VAPA: variants seen among roughly 807,000 people sequenced by gnomAD.
VAPA encodes the protein VAMP associated protein A.
In VAPA, 6 loss-of-function variants were observed where a neutral mutation model predicts 25.6. The observed-to-expected ratio is 0.23, with a 90% CI of 0.13 to 0.46. The LOEUF is 0.46. Among genes scored for constraint, VAPA ranks in the 20% least tolerant of loss-of-function variants. VAPA has a pLI of 0.99. For synonymous variants in VAPA, 112 were observed against 106.2 expected (o/e 1.05, Z -0.34); for missense variants, 244 against 302.1 (o/e 0.81, Z 1.43).
intron 2 of VAPA, among the ~76,000 whole-genome samples, chr18:9,932,533 G>A (rs760754353): frequency 2.6e-5 from 4 of 152,208 alleles, no homozygotes; most frequent in Non-Finnish European, 5.9e-5. Context: ...CTGCTGTGGA[G>A]TTGATACTGG....
intron 4 of VAPA, among the ~76,000 whole-genome samples, chr18:9,945,231 C>G (rs1405213906): frequency 6.6e-6 from 1 of 151,734 alleles, no homozygotes; most frequent in Admixed American, 6.6e-5. Context: ...TGCATACAAA[C>G]TATTCTGTTC....
rs1471521506 is a variant in VAPA at position 9,958,071 on chromosome 18, T to TA, written c.*3866dup. The stretch of plus-strand genomic sequence containing the variant: ...CACTTCAGGCAATTTTTGGAAAATA[T>TA]AAAAAATTCCAAATTCTGCCTTTCA... On this transcript the variant is annotated 3_prime_UTR_variant, in exon 6 of 6. Transcript: ENST00000400000. The TA allele has an allele frequency of 6.6e-6, 1 of 152,236 alleles. No individual in the cohort carries two copies. The highest frequency in any genetic ancestry group is 2.4e-5 in the African/African-American group (1 of 41,452). The allele number at this position is 152,236 out of a possible 1,614,324, so 9.4% of individuals were successfully genotyped here.
At chr18:9,937,126 T>A (rs1265811246) in intron 4 of VAPA, 60 bp downstream of exon 4, 4 of 1,442,150 alleles carry the variant, frequency 2.8e-6, no homozygotes, top group Non-Finnish European at 2.9e-6. Flanking sequence ...CTTTGATTAA[T>A]TTTGCTTTTA....
intron 5 of VAPA, chr18:9,951,031 C>T (rs1034664817): frequency 6.6e-6 from 1 of 152,442 alleles, no homozygotes; most frequent in African/African-American, 2.4e-5. Context: ...TGGTTACATA[C>T]TGAAATAGTA....
intron 1 of VAPA, among the ~76,000 whole-genome samples, chr18:9,920,867 C>G (rs1053217097): frequency 3.3e-5 from 5 of 152,186 alleles, no homozygotes; most frequent in Admixed American, 3.3e-4. Flanking sequence ...GAATATTGTC[C>G]TCCCTCACGT....
intron 4 of VAPA, chr18:9,950,177 A>G: frequency 4.2e-6 from 2 of 474,108 alleles, no homozygotes; most frequent in Non-Finnish European, 7.5e-6. Flanking sequence ...AATTATTAAG[A>G]TACATAATAA....
At chr18:9,946,806 T>G (rs1051655770) in intron 4 of VAPA, among the ~76,000 whole-genome samples, 2 of 152,206 alleles carry the variant, frequency 1.3e-5, no homozygotes, top group East Asian at 3.8e-4. Flanking sequence ...AAAATTTTTT[T>G]CTTTAATCTT....
chr18:9,955,207 A>G lies in VAPA; in HGVS notation c.*996A>G, dbSNP rs924323916. On this transcript the variant is annotated 3_prime_UTR_variant, in exon 6 of 6. Coordinates refer to ENST00000400000, the MANE Select transcript of VAPA (RefSeq NM_194434.3). ...TTACTTTTTAACCAGCCTAATAAAT[A>G]AGTCTTACTACTTTTCATAATATTT... The G allele has an allele frequency of 2.0e-5, 3 of 152,014 alleles. No individual in the cohort carries two copies. Among genetic ancestry groups the G allele is most frequent in the African/African-American group, 7.3e-5 (3 of 41,298 alleles). 9.4% of individuals were successfully genotyped at this position (152,014 alleles called of 1,614,324 possible).
rs2069585302 is a variant in VAPA at position 9,959,682 on chromosome 18, T to A, written c.*5471T>A. The A allele has an allele frequency of 7.1e-6, 1 of 139,970 alleles. No homozygotes were observed. 8.7% of individuals were successfully genotyped at this position (139,970 alleles called of 1,614,324 possible). ...AACCCTGAGGAAAAATAATACAATGTGTGTGTGTGAGAGAGAGAGTGAGTT... is the reference window on the plus strand; with the variant it reads ...AACCCTGAGGAAAAATAATACAATGAGTGTGTGTGAGAGAGAGAGTGAGTT... On this transcript the variant is annotated 3_prime_UTR_variant, in exon 6 of 6. Transcript: ENST00000400000.
At chr18:9,914,913 C>G (rs13381442) in intron 1 of VAPA, 58,430 of 152,402 alleles carry the variant, frequency 0.38, 11,696 homozygotes, top group Middle Eastern at 0.49. Flanking sequence ...GGAGAGCTCG[C>G]TGCAGCCGGC....
chr18:9,936,573 A>C (rs2069312703), intron 3 of VAPA: 1 of 199,880 alleles, frequency 5.0e-6, no homozygotes, highest in African/African-American at 2.3e-5. Flanking sequence ...CAAACAAAAA[A>C]CAAAAAAAAC....
intron 4 of VAPA, among the ~76,000 whole-genome samples, chr18:9,947,082 C>T (rs1424888186): frequency 1.3e-5 from 2 of 152,224 alleles, no homozygotes; most frequent in African/African-American, 4.8e-5. Context: ...GGGACAGTAA[C>T]ACTCATGGAG....
chr18:9,931,389 A>G (rs562962137), intron 1 of VAPA, among the ~76,000 whole-genome samples: 5 of 152,220 alleles, frequency 3.3e-5, no homozygotes, highest in Non-Finnish European at 7.4e-5. Flanking sequence ...CACTGATGTC[A>G]TAGGGTGTAG....
chr18:9,943,841 C>CTTTTTTTTTTTTTTTT lies in VAPA; in HGVS notation c.418-6532_418-6517dup, dbSNP rs71169911. On this transcript the variant is annotated intron_variant, in intron 4 of 5. Coordinates refer to ENST00000400000, the MANE Select transcript of VAPA (RefSeq NM_194434.3). The stretch of plus-strand genomic sequence containing the variant: ...TGACATTTGAAGGTGACATATTTCC[C>CTTTTTTTTTTTTTTTT]TTTTTTTTTTTTTTTTTTTTTTTTT... Among the ~76,000 whole-genome samples the CTTTTTTTTTTTTTTTT allele has an allele frequency of 2.1e-4, 11 of 51,770 alleles. 4 individuals carry two copies. Among genetic ancestry groups the CTTTTTTTTTTTTTTTT allele is most frequent in the East Asian group, 1.4e-3 (2 of 1,436 alleles). The allele number at this position is 51,770 out of a possible 152,430, so 34.0% of individuals were successfully genotyped here. A position where few individuals can be genotyped will look rare whatever the true frequency, so the allele number is the denominator to read the frequency against.
At chr18:9,924,166 A>C (rs545770288) in intron 1 of VAPA, 2 of 152,246 alleles carry the variant, frequency 1.3e-5, no homozygotes, top group Admixed American at 6.5e-5. Context: ...TCCCCTAGCA[A>C]AAACTTTAGA....
chr18:9,958,782 T>C lies in VAPA; in HGVS notation c.*4571T>C, dbSNP rs2069577200. The C allele has an allele frequency of 6.6e-6, 1 of 152,228 alleles. No homozygotes were observed. Among genetic ancestry groups the C allele is most frequent in the Non-Finnish European group, 1.5e-5 (1 of 68,042 alleles). 9.4% of individuals were successfully genotyped at this position (152,228 alleles called of 1,614,324 possible). On this transcript the variant is annotated 3_prime_UTR_variant, in exon 6 of 6. Transcript: ENST00000400000. ...TGCTTAAAAAAAATTGCATAAAAGCTTTGCTTGTCAAGTTAGGATTGCTGG... is the reference window on the plus strand; with the variant it reads ...TGCTTAAAAAAAATTGCATAAAAGCCTTGCTTGTCAAGTTAGGATTGCTGG...
At chr18:9,932,099 T>C in intron 2 of VAPA, 137 bp downstream of exon 2, 1 of 628,774 alleles carries the variant, frequency 1.6e-6, no homozygotes, top group South Asian at 2.4e-5. Context: ...AGATGTCTTG[T>C]TACAGTACTC....
chr18:9,937,082 T>A lies in VAPA; in HGVS notation c.417+16T>A. On this transcript the variant is annotated intron_variant, in intron 4 of 5. Coordinates refer to ENST00000400000, the MANE Select transcript of VAPA (RefSeq NM_194434.3). ...TGATAAATTGGTAAGTAGGAGAATGTAAAAAAAATTGGGAGCTGTTGAGCT... is the reference window on the plus strand; with the variant it reads ...TGATAAATTGGTAAGTAGGAGAATGAAAAAAAAATTGGGAGCTGTTGAGCT... 6.2e-7 allele frequency: 1 copy of A among 1,606,138 alleles called. No individual in the cohort carries two copies. Among genetic ancestry groups the A allele is most frequent in the Non-Finnish European group, 8.5e-7 (1 of 1,174,574 alleles).
Position 9,933,046 on chromosome 18 carries a change from G to A in VAPA, c.232+1084G>A, listed in dbSNP as rs944337379. The stretch of plus-strand genomic sequence containing the variant: ...TGCTTAAAACCAGGAAGTGGAGGTT[G>A]CAGTGAGCGGAGACTGCACGAGTAA... On this transcript the variant is annotated intron_variant, in intron 2 of 5. Coordinates refer to ENST00000400000, the MANE Select transcript of VAPA (RefSeq NM_194434.3). 2.0e-5 allele frequency among the ~76,000 whole-genome samples: 3 copies of A among 151,718 alleles called. No homozygotes were observed. The South Asian group carries it at 6.2e-4, about 32-fold the overall frequency.
Sources: allele counts gnomAD v4.1 joint callset (sites outside exome capture counted in the v4.1 genomes callset), GRCh38; gene constraint gnomAD v4.1.1; transcripts MANE v1.5; gene names NCBI Gene and HGNC (gene_info 2026-07-23, HGNC 2026-07-21).